Variants in GRIK2 observed in about 807,000 individuals in gnomAD.
GRIK2 encodes glutamate ionotropic receptor kainate type subunit 2, also known as glutamate receptor ionotropic, kainate 2.
A neutral mutation model predicts 100.3 loss-of-function variants in GRIK2; 32 were observed. The ratio of observed to expected loss-of-function variants is 0.32; its 90% CI spans 0.24 to 0.43. The LOEUF is 0.43. Among genes scored for constraint, GRIK2 ranks in the 20% least tolerant of loss-of-function variants. The probability of loss-of-function intolerance (pLI) is 1.00; values close to 1 mark genes in which losing one functional copy is unlikely to be tolerated. For missense variants in GRIK2, 843 were observed against 1,114.9 expected (o/e 0.76, Z 3.47); for synonymous variants, 417 against 389.4 (o/e 1.07, Z -0.83).
chr6:101,548,675 C>T (rs570141553), intron 2 of GRIK2, among the ~76,000 whole-genome samples: 1 of 152,004 alleles, frequency 6.6e-6, no homozygotes, highest in African/African-American at 2.4e-5. Flanking sequence ...CTTTTATCAT[C>T]ATTGTCATCA....
intron 9 of GRIK2, among the ~76,000 whole-genome samples, chr6:101,810,756 T>C (rs1199747280): frequency 2.0e-5 from 3 of 152,052 alleles, no homozygotes; most frequent in Non-Finnish European, 4.4e-5. Context: ...TATCTCTACT[T>C]TTCATTTAAC....
intron 2 of GRIK2, among the ~76,000 whole-genome samples, chr6:101,560,249 C>A (rs1282774737): frequency 1.3e-5 from 2 of 152,028 alleles, no homozygotes; most frequent in Non-Finnish European, 2.9e-5. Flanking sequence ...CTTTACTAGT[C>A]TGCAGTGGAT....
At chr6:101,410,767 C>A (rs1775852268) in intron 2 of GRIK2, among the ~76,000 whole-genome samples, 1 of 152,110 alleles carries the variant, frequency 6.6e-6, no homozygotes, top group African/African-American at 2.4e-5. Flanking sequence ...CAAGCCTGCA[C>A]ATGTACCCCT....
At chr6:101,751,930 A>T (rs1398148130) in intron 7 of GRIK2, among the ~76,000 whole-genome samples, 1 of 152,190 alleles carries the variant, frequency 6.6e-6, no homozygotes, top group African/African-American at 2.4e-5. Context: ...TTAATTCATT[A>T]GGGGCTAAAT....
Position 101,497,434 on chromosome 6 carries a change from A to G in GRIK2, c.115+98042A>G, listed in dbSNP as rs113216169. ...TGAATGACCAAATGAATGAGTCAGA[A>G]ATATATACAAGTGTAGATCTTTAGT... On this transcript the variant is annotated intron_variant, in intron 2 of 16. Coordinates refer to ENST00000369134, the MANE Select transcript of GRIK2 (RefSeq NM_021956.5). 5.3e-3 allele frequency among the ~76,000 whole-genome samples: 810 copies of G among 152,262 alleles called. 10 individuals are homozygous for G. The highest frequency in any genetic ancestry group is 0.019 in the African/African-American group (783 of 41,544).
chr6:101,941,307 C>T (rs940489092), intron 14 of GRIK2, among the ~76,000 whole-genome samples: 5 of 151,884 alleles, frequency 3.3e-5, no homozygotes, highest in Admixed American at 1.3e-4. Flanking sequence ...GGTACTACAA[C>T]TGGAAGAGTA....
intron 7 of GRIK2, among the ~76,000 whole-genome samples, chr6:101,696,015 TTAAG>T (rs1293028820): frequency 1.3e-5 from 2 of 152,026 alleles, no homozygotes; most frequent in African/African-American, 4.8e-5. Flanking sequence ...TGCACCATCG[TTAAG>T]TAGGGGATCA....
intron 2 of GRIK2, among the ~76,000 whole-genome samples, chr6:101,533,051 A>G (rs981736738): frequency 1.3e-5 from 2 of 151,956 alleles, no homozygotes; most frequent in Non-Finnish European, 2.9e-5. Context: ...GGTTCAACTT[A>G]TCTCCAACTT....
chr6:101,465,176 A>G (rs1266708814), intron 2 of GRIK2, among the ~76,000 whole-genome samples: 1 of 152,184 alleles, frequency 6.6e-6, no homozygotes, highest in African/African-American at 2.4e-5. Flanking sequence ...ACATGAATAT[A>G]TCGTGTAGGA....
intron 11 of GRIK2, among the ~76,000 whole-genome samples, chr6:101,869,477 GA>G (rs112872150): frequency 0.076 from 11,521 of 151,742 alleles, 1,213 homozygotes; most frequent in African/African-American, 0.23. Context: ...GCTCTTCTAG[GA>G]AATTCAGTTT....
intron 7 of GRIK2, among the ~76,000 whole-genome samples, chr6:101,738,732 T>C (rs575504585): frequency 4.6e-5 from 7 of 152,340 alleles, no homozygotes; most frequent in African/African-American, 1.2e-4. Context: ...CTATGTAATG[T>C]TGGATGTTTA....
chr6:101,631,609 T>A (rs1780746316), intron 4 of GRIK2, among the ~76,000 whole-genome samples: 1 of 152,172 alleles, frequency 6.6e-6, no homozygotes, highest in South Asian at 2.1e-4. Flanking sequence ...AGTGACTGGC[T>A]CTCCTGCTCA....
intron 4 of GRIK2, among the ~76,000 whole-genome samples, chr6:101,648,795 G>C (rs1044333466): frequency 6.6e-6 from 1 of 152,000 alleles, no homozygotes; most frequent in Admixed American, 6.6e-5. Context: ...CTAATAAAAA[G>C]ATACCTGAGA....
At chr6:101,967,551 A>T (rs1792765771) in intron 14 of GRIK2, among the ~76,000 whole-genome samples, 1 of 152,114 alleles carries the variant, frequency 6.6e-6, no homozygotes, top group South Asian at 2.1e-4. Flanking sequence ...TTTCAAACAC[A>T]GTTGCATAGT....
intron 14 of GRIK2, among the ~76,000 whole-genome samples, chr6:102,022,372 TAC>T: frequency 6.6e-6 from 1 of 151,814 alleles, no homozygotes; most frequent in South Asian, 2.1e-4. Flanking sequence ...CACTCACAGG[TAC>T]ACACATACAT....
chr6:101,438,335 T>A lies in GRIK2; in HGVS notation c.115+38943T>A, dbSNP rs1254265126. ...CTTAGCCAACTGAAATGTTTTAATT[T>A]TTCATAGAATGACATAATTGACCAG... is the stretch of plus-strand genomic sequence containing the variant. On this transcript the variant is annotated intron_variant, in intron 2 of 16. Coordinates refer to ENST00000369134, the MANE Select transcript of GRIK2 (RefSeq NM_021956.5). Among the ~76,000 whole-genome samples, 5 of 152,240 alleles carry A rather than the reference T, an allele frequency of 3.3e-5. No individual in the cohort carries two copies. The East Asian group carries it at 9.6e-4, about 29-fold the overall frequency.
At chr6:101,442,510 C>G (rs1004380769) in intron 2 of GRIK2, among the ~76,000 whole-genome samples, 1 of 152,126 alleles carries the variant, frequency 6.6e-6, no homozygotes, top group African/African-American at 2.4e-5. Context: ...ACTTGCCTGA[C>G]ATGCTGCCAG....
rs539295549 is a variant in GRIK2, at chr6:101,402,616, G to A, written c.115+3224G>A. 2.0e-5 allele frequency among the ~76,000 whole-genome samples: 3 copies of A among 152,276 alleles called. No individual in the cohort carries two copies. In the South Asian group the frequency reaches 6.2e-4, roughly 32 times the overall value. ...GACATTGAGTCTTGGTTGTCACCCC[G>A]CCTTTGATCCTGTGTTGGGACAACT... On this transcript the variant is annotated intron_variant, in intron 2 of 16. Transcript: ENST00000369134.
At chr6:101,893,777 T>A (rs948353819) in intron 12 of GRIK2, among the ~76,000 whole-genome samples, 2 of 151,744 alleles carry the variant, frequency 1.3e-5, no homozygotes, top group Non-Finnish European at 3.0e-5. Context: ...TACCCGTAAG[T>A]ACTAAGAGTT....
Sources: allele counts gnomAD v4.1 joint callset (sites outside exome capture counted in the v4.1 genomes callset), GRCh38; gene constraint gnomAD v4.1.1; transcripts MANE v1.5; gene names NCBI Gene and HGNC (gene_info 2026-07-23, HGNC 2026-07-21).